CREB3L2: variants seen among roughly 807,000 people sequenced by gnomAD.
CREB3L2 encodes the protein cyclic AMP-responsive element-binding protein 3-like protein 2.
CREB3L2 carries 23 observed loss-of-function variants against 57.2 expected under a neutral mutation model. That is an observed-to-expected ratio of 0.40 (90% CI 0.29 to 0.57). The LOEUF is 0.57. Ranked by LOEUF, CREB3L2 falls within the 20% of genes least tolerant of loss-of-function variation. The pLI is 0.42. For missense variants in CREB3L2, 628 were observed against 634.7 expected (o/e 0.99, Z 0.11); for synonymous variants, 268 against 265.1 (o/e 1.01, Z -0.11).
At position 137,928,342 on chromosome 7, in the gene CREB3L2, A is replaced by G. The variant is rs745531578; in HGVS notation, c.127T>C (p.Phe43Leu). The G allele has an allele frequency of 3.7e-6, 6 of 1,613,846 alleles. No individual in the cohort carries two copies. Among genetic ancestry groups the G allele is most frequent in the Non-Finnish European group, 5.1e-6 (6 of 1,179,960 alleles). Reference sequence around the variant, plus strand: ...AGCTGACCCAAGACGTTCTGGGAAAACTCATCCAGAAGTTCTGAGAAGTGC... The same window carrying G: ...AGCTGACCCAAGACGTTCTGGGAAAGCTCATCCAGAAGTTCTGAGAAGTGC... ...HTHFSELLDE[F>L]SQNVLGQLLN... The change falls in exon 2 of 12, where the codon TTT becomes CTT. Residue 43 changes from phenylalanine (F) to leucine (L), a missense_variant. By Grantham distance (22) the Phe-to-Leu change is conservative. Coordinates refer to ENST00000330387, the MANE Select transcript of CREB3L2 (RefSeq NM_194071.4).
intron 8 of CREB3L2, among the ~76,000 whole-genome samples, chr7:137,887,935 A>G (rs1799458624): frequency 6.6e-6 from 1 of 152,112 alleles, no homozygotes; most frequent in Non-Finnish European, 1.5e-5. Flanking sequence ...ATTTAAATGT[A>G]TTCAGGTACA....
At chr7:137,982,150 C>T (rs531397168) in intron 1 of CREB3L2, among the ~76,000 whole-genome samples, 1 of 152,266 alleles carries the variant, frequency 6.6e-6, no homozygotes, top group African/African-American at 2.4e-5. Flanking sequence ...GTTAGGTCAG[C>T]AAACCTTTTG....
Position 137,955,388 on chromosome 7 carries a change from C to T in CREB3L2, c.103-27022G>A. 5 of 1,049,590 alleles carry T rather than the reference C, an allele frequency of 4.8e-6. No individual in the cohort carries two copies. The South Asian group carries it at 6.5e-5, about 14-fold the overall frequency. The allele number at this position is 1,049,590 out of a possible 1,614,324, so 65.0% of individuals were successfully genotyped here. A position where few individuals can be genotyped will look rare whatever the true frequency, so the allele number is the denominator to read the frequency against. On this transcript the variant is annotated intron_variant, in intron 1 of 11. Transcript: ENST00000330387. ...GAAGATGGCAGTCTTATGATTAGTT[C>T]TTCAGCACGGCCACCTCACTCCTCT...
At chr7:137,912,795 T>C (rs1420076694) in intron 4 of CREB3L2, 196 bp downstream of exon 4, 5 of 1,469,822 alleles carry the variant, frequency 3.4e-6, no homozygotes, top group East Asian at 2.5e-5. Context: ...CACGTGCATA[T>C]ATGGGAAAAT....
At chr7:137,927,262 G>A (rs879879776) in intron 2 of CREB3L2, among the ~76,000 whole-genome samples, 18 of 112,898 alleles carry the variant, frequency 1.6e-4, no homozygotes, top group Admixed American at 1.1e-3. Context: ...GGAACAGAAC[G>A]GAAAGGAAAG....
intron 1 of CREB3L2, among the ~76,000 whole-genome samples, chr7:137,946,029 C>T (rs273996): frequency 6.6e-6 from 1 of 151,976 alleles, no homozygotes; most frequent in African/African-American, 2.4e-5. Flanking sequence ...AAATTATAGT[C>T]TGTTAAATCC....
chr7:137,935,704 A>G (rs1800765372), intron 1 of CREB3L2, among the ~76,000 whole-genome samples: 1 of 152,206 alleles, frequency 6.6e-6, no homozygotes, highest in African/African-American at 2.4e-5. Flanking sequence ...TTATCATTCT[A>G]TAACATCCTA....
At chr7:137,954,848 C>T (rs1262009148) in intron 1 of CREB3L2, among the ~76,000 whole-genome samples, 3 of 152,130 alleles carry the variant, frequency 2.0e-5, no homozygotes, top group Non-Finnish European at 2.9e-5. Flanking sequence ...CCACAGAAGT[C>T]GGAACAACTG....
chr7:137,972,712 A>AAAAAT (rs1563270135), intron 1 of CREB3L2, among the ~76,000 whole-genome samples: 2 of 34,112 alleles, frequency 5.9e-5, no homozygotes, highest in African/African-American at 2.8e-4. Flanking sequence ...AAAAAAAAAA[A>AAAAAT]ATATATATAT....
At chr7:137,885,261 C>A in intron 9 of CREB3L2, 140 bp from the exon 10 acceptor site, 1 of 1,191,986 alleles carries the variant, frequency 8.4e-7, no homozygotes, top group South Asian at 1.4e-5. Flanking sequence ...ACCAGAGTGC[C>A]TCACCGAGGA....
At chr7:137,979,410 C>A (rs964215582) in intron 1 of CREB3L2, among the ~76,000 whole-genome samples, 3 of 152,164 alleles carry the variant, frequency 2.0e-5, no homozygotes, top group African/African-American at 7.2e-5. Flanking sequence ...TGCAACTGGT[C>A]CTACCAGTCC....
At chr7:137,983,250 C>A (rs968379949) in intron 1 of CREB3L2, among the ~76,000 whole-genome samples, 7 of 152,184 alleles carry the variant, frequency 4.6e-5, no homozygotes, top group African/African-American at 1.4e-4. Flanking sequence ...AGAGGACTAT[C>A]TACCACACAG....
At chr7:137,964,401 C>T (rs1301931057) in intron 1 of CREB3L2, among the ~76,000 whole-genome samples, 1 of 152,226 alleles carries the variant, frequency 6.6e-6, no homozygotes, top group East Asian at 1.9e-4. Flanking sequence ...TCCCAAAACA[C>T]TTGTCACTAC....
rs59967148 is a variant in CREB3L2 at position 138,001,082 on chromosome 7, A to AACACACACACACAC, written c.102+508_102+521dup. Among the ~76,000 whole-genome samples the AACACACACACACAC allele has an allele frequency of 1.8e-3, 246 of 136,802 alleles. 1 individual carries two copies. Among genetic ancestry groups the AACACACACACACAC allele is most frequent in the East Asian group, 5.5e-3 (25 of 4,534 alleles). The allele number at this position is 136,802 out of a possible 152,430, so 89.7% of individuals were successfully genotyped here. ...CTCCCTAACGTAGAGGAGCCCTTTC[A>AACACACACACACAC]ACACACACACACACACACACACACA... On this transcript the variant is annotated intron_variant, in intron 1 of 11. Transcript: ENST00000330387. This position sits in a 1 kb window ranked among gnomAD's most constrained non-coding sequence, Gnocchi z 4.2.
intron 1 of CREB3L2, among the ~76,000 whole-genome samples, chr7:137,993,343 G>C (rs546659640): frequency 6.6e-6 from 1 of 152,162 alleles, no homozygotes; most frequent in African/African-American, 2.4e-5. Flanking sequence ...TTTCCACCAT[G>C]CCATCAACTC....
intron 8 of CREB3L2, among the ~76,000 whole-genome samples, chr7:137,889,624 G>T (rs1170830002): frequency 6.6e-6 from 1 of 152,174 alleles, no homozygotes. Flanking sequence ...TACTGGTGCT[G>T]GAGAAAGTAA....
At chr7:137,919,031 C>T (rs1232639696) in intron 2 of CREB3L2, among the ~76,000 whole-genome samples, 2 of 152,158 alleles carry the variant, frequency 1.3e-5, no homozygotes, top group Non-Finnish European at 1.5e-5. Flanking sequence ...CCCAAGGAAG[C>T]GGCCTCTCCT....
At chr7:137,975,243 A>G (rs1801585893) in intron 1 of CREB3L2, among the ~76,000 whole-genome samples, 1 of 152,240 alleles carries the variant, frequency 6.6e-6, no homozygotes, top group South Asian at 2.1e-4. Context: ...AGTTTAATCC[A>G]TATCAAAGCT....
At chr7:137,944,255 A>T (rs138460110) in intron 1 of CREB3L2, among the ~76,000 whole-genome samples, 2,258 of 152,312 alleles carry the variant, frequency 0.015, 160 homozygotes, top group Admixed American at 0.12. Context: ...AGCTGTACAC[A>T]GAGTCCGTGT....
Sources: gnomAD v4.1 joint callset for allele counts (sites outside exome capture counted in the v4.1 genomes callset) on GRCh38, gnomAD v4.1.1 for gene constraint, Gnocchi (gnomAD v3.1) non-coding constraint, MANE v1.5 for transcripts, NCBI Gene and HGNC (gene_info 2026-07-23, HGNC 2026-07-21) for gene names.